Variants in HNRNPDL observed in about 807,000 individuals in gnomAD.
HNRNPDL encodes heterogeneous nuclear ribonucleoprotein D-like.
Under a neutral mutation model 48.0 loss-of-function variants are expected in HNRNPDL, and 18 were observed. The observed-to-expected ratio is 0.38, with a 90% CI of 0.26 to 0.56. HNRNPDL has a LOEUF of 0.56. HNRNPDL is among the 20% of genes least tolerant of loss of function. The probability of loss-of-function intolerance (pLI) is 0.77; values close to 1 mark genes in which losing one functional copy is unlikely to be tolerated. For synonymous variants in HNRNPDL, 306 were observed against 207.3 expected (o/e 1.48, Z -4.09); for missense variants, 553 against 540.7 (o/e 1.02, Z -0.23).
In HNRNPDL at chr4:82,422,850, A is replaced by G. The variant is rs948901558; in HGVS notation, c.*2056T>C. 6 of 152,364 alleles carry G rather than the reference A, an allele frequency of 3.9e-5. No homozygotes were observed. In the South Asian group the frequency reaches 8.3e-4, roughly 21 times the overall value. 9.4% of individuals were successfully genotyped at this position (152,364 alleles called of 1,614,324 possible). The stretch of plus-strand genomic sequence containing the variant: ...CAAATACGATGTAAAAAACATACAC[A>G]GAGTATTTGTTATAGGTACTTTAGA... On this transcript the variant is annotated 3_prime_UTR_variant, in exon 8 of 8. Transcript: ENST00000295470.
chr4:82,427,272 T>C lies in HNRNPDL; in HGVS notation c.939A>G (p.Val313=), dbSNP rs369300440. 3.7e-6 allele frequency: 6 copies of C among 1,613,348 alleles called. No homozygotes were observed. The highest frequency in any genetic ancestry group is 3.3e-4 in the Middle Eastern group (2 of 6,054). ...TTTGTTGTTGCTGTTGCTGCCTATATACCTCTTTGGGTTGTGCAACTTTGA... is the reference window on the plus strand; with the variant it reads ...TTTGTTGTTGCTGTTGCTGCCTATACACCTCTTTGGGTTGTGCAACTTTGA... ...CEIKVAQPKE[V]YRQQQQQQKG... is the part of the protein sequence containing the mutation. Residue 313 remains valine (V), a synonymous_variant, in exon 5 of 8, where the codon GTA becomes GTG. Coordinates refer to ENST00000295470, the MANE Select transcript of HNRNPDL (RefSeq NM_031372.4).
rs938840515 is a variant in HNRNPDL at position 82,427,647 on chromosome 4, CAACTTA to C, written c.775-89_775-84del. The stretch of plus-strand genomic sequence containing the variant: ...GAATGCCAAAGGCCTTTTCAGGCTT[CAACTTA>C]AACATGTTATTCTTATCGGGTGACT... On this transcript the variant is annotated intron_variant, in intron 3 of 7. Transcript: ENST00000295470. 4 of 1,254,446 alleles carry C rather than the reference CAACTTA, an allele frequency of 3.2e-6. No individual in the cohort carries two copies. The African/African-American group carries it at 6.0e-5, about 19-fold the overall frequency. 77.7% of individuals were successfully genotyped at this position (1,254,446 alleles called of 1,614,324 possible). A position where few individuals can be genotyped will look rare whatever the true frequency, so the allele number is the denominator to read the frequency against.
At position 82,427,039 on chromosome 4, in the gene HNRNPDL, C is replaced by A. The variant is rs572577877; in HGVS notation, c.1021+151G>T. 40 of 708,630 alleles carry A rather than the reference C, an allele frequency of 5.6e-5. No individual in the cohort carries two copies. In the Middle Eastern group the frequency reaches 9.9e-4, roughly 18 times the overall value. 43.9% of individuals were successfully genotyped at this position (708,630 alleles called of 1,614,324 possible). On this transcript the variant is annotated intron_variant, in intron 5 of 7. Transcript: ENST00000295470. ...AAACCAGTGAGCTCACAACAAAAAA[C>A]CACCACACACAACCTCCACTAAGCT...
In HNRNPDL at chr4:82,423,856, A is replaced by T. The variant is rs1031093351; in HGVS notation, c.*1050T>A. 6.6e-6 allele frequency: 1 copy of T among 152,202 alleles called. No individual in the cohort carries two copies. The highest frequency in any genetic ancestry group is 2.4e-5 in the African/African-American group (1 of 41,444). The allele number at this position is 152,202 out of a possible 1,614,324, so 9.4% of individuals were successfully genotyped here. ...TACCTTTTCCACTATTCCTTTCTGA[A>T]TATGTAAATATTTAACTACTTAGTT... On this transcript the variant is annotated 3_prime_UTR_variant, in exon 8 of 8. Coordinates refer to ENST00000295470, the MANE Select transcript of HNRNPDL (RefSeq NM_031372.4).
At chr4:82,428,225 G>A (rs1258977648) in intron 2 of HNRNPDL, 46 bp from the exon 3 acceptor site, 6 of 1,607,184 alleles carry the variant, frequency 3.7e-6, no homozygotes, top group South Asian at 3.3e-5. Flanking sequence ...ATAACCCCCA[G>A]AAAAATTTGC....
At chr4:82,427,339 C>T (rs781542699) in intron 4 of HNRNPDL, 35 bp from the exon 5 acceptor site, 15 of 1,532,348 alleles carry the variant, frequency 9.8e-6, no homozygotes, top group African/African-American at 1.4e-5. Flanking sequence ...TAATTTTTAC[C>T]GAAGTTCTAA....
At position 82,429,421 on chromosome 4, in the gene HNRNPDL, A is replaced by G. The variant is rs777344257; in HGVS notation, c.270T>C (p.Phe90=). 3.7e-6 allele frequency: 6 copies of G among 1,612,670 alleles called. No individual in the cohort carries two copies. The Admixed American group carries it at 8.3e-5, about 22-fold the overall frequency. The change falls in exon 1 of 8, where the codon TTT becomes TTC. Residue 90 remains phenylalanine (F), a synonymous_variant. Coordinates refer to ENST00000295470, the MANE Select transcript of HNRNPDL (RefSeq NM_031372.4). ...CGGAGCGTTGTATGGAGCTGGATTT[A>G]AAATGGCGGCGGAAGAGATCCGGGC... The part of the protein sequence containing the change: ...RRRPDLFRRH[F]KSSSIQRSAA...
At position 82,427,477 on chromosome 4, in the gene HNRNPDL, T is replaced by G; in HGVS notation, c.862A>C (p.Lys288Gln). Residue 288 changes from lysine (K) to glutamine (Q), a missense_variant, in exon 4 of 8, where the codon AAA becomes CAA. Physicochemically the swap from Lys to Gln is moderately conservative, Grantham distance 53. Around this residue, in one of 4 missense-constraint regions of HNRNPDL, gnomAD observed 174 missense variants for 204.6 expected, o/e 0.85. Coordinates refer to ENST00000295470, the MANE Select transcript of HNRNPDL (RefSeq NM_031372.4). Reference sequence around the variant, plus strand: ...TGGTATCTGCTTTCTAACAATTTTTTTACTGGCTCTTCATCAGTATATGTG... The same window carrying G: ...TGGTATCTGCTTTCTAACAATTTTTGTACTGGCTCTTCATCAGTATATGTG... ...FITYTDEEPV[K>Q]KLLESRYHQI... 7 of 1,611,124 alleles carry G rather than the reference T, an allele frequency of 4.3e-6. No homozygotes were observed. The highest frequency in any genetic ancestry group is 5.9e-6 in the Non-Finnish European group (7 of 1,179,240).
chr4:82,427,377 T>C, intron 4 of HNRNPDL, 56 bp downstream of exon 4: 1 of 1,531,932 alleles, frequency 6.5e-7, no homozygotes, highest in Non-Finnish European at 8.8e-7. Flanking sequence ...TTTCTCCACA[T>C]CAAGAAATTA....
At chr4:82,425,986 C>G in intron 7 of HNRNPDL, 51 bp downstream of exon 7, 3 of 1,185,594 alleles carry the variant, frequency 2.5e-6, no homozygotes, top group Middle Eastern at 2.8e-4. Context: ...GTCTATTGAT[C>G]TTTAAATTAA....
chr4:82,430,021 C>G lies in HNRNPDL; in HGVS notation c.-331G>C. 1 of 158,882 alleles carries G rather than the reference C, an allele frequency of 6.3e-6. No individual in the cohort carries two copies. The highest frequency in any genetic ancestry group is 1.8e-4 in the East Asian group (1 of 5,592). 9.8% of individuals were successfully genotyped at this position (158,882 alleles called of 1,614,324 possible). Reference sequence around the variant, plus strand: ...CTGCGCCCGGCGCTGGCGACTGAGGCGGCGAGCGCGCTCGCCCGCCGCGCG... The same window carrying G: ...CTGCGCCCGGCGCTGGCGACTGAGGGGGCGAGCGCGCTCGCCCGCCGCGCG... On this transcript the variant is annotated 5_prime_UTR_variant, in exon 1 of 8. Transcript: ENST00000295470.
chr4:82,427,122 A>C, intron 5 of HNRNPDL, 68 bp downstream of exon 5: 1 of 1,017,504 alleles, frequency 9.8e-7, no homozygotes, highest in Non-Finnish European at 1.6e-6. Flanking sequence ...TTGGTACAGG[A>C]CTACTCATAT....
Position 82,422,839 on chromosome 4 carries a change from A to G in HNRNPDL, c.*2067T>C, listed in dbSNP as rs1448722667. 6.6e-6 allele frequency: 1 copy of G among 152,234 alleles called. No individual in the cohort carries two copies. Among genetic ancestry groups the G allele is most frequent in the African/African-American group, 2.4e-5 (1 of 41,456 alleles). 9.4% of individuals were successfully genotyped at this position (152,234 alleles called of 1,614,324 possible). ...AATGTAAAAGGCAAATACGATGTAA[A>G]AAACATACACAGAGTATTTGTTATA... On this transcript the variant is annotated 3_prime_UTR_variant, in exon 8 of 8. Transcript: ENST00000295470.
chr4:82,423,538 A>AG lies in HNRNPDL; in HGVS notation c.*1367dup, dbSNP rs923966576. ...TGCAGGCACCAAATTAAAAAAAAAA[A>AG]GGGAGGGCTCATGAGCATAAGAAAC... On this transcript the variant is annotated 3_prime_UTR_variant, in exon 8 of 8. Transcript: ENST00000295470. The AG allele has an allele frequency of 1.3e-5, 2 of 151,554 alleles. No individual in the cohort carries two copies. The highest frequency in any genetic ancestry group is 2.9e-5 in the Non-Finnish European group (2 of 67,968). 9.4% of individuals were successfully genotyped at this position (151,554 alleles called of 1,614,324 possible). A position where few individuals can be genotyped will look rare whatever the true frequency, so the allele number is the denominator to read the frequency against.
rs1313395146 is a variant in HNRNPDL, at chr4:82,424,296, A to C, written c.*610T>G. On this transcript the variant is annotated 3_prime_UTR_variant, in exon 8 of 8. Transcript: ENST00000295470. Reference sequence around the variant, plus strand: ...AGTAAAAGGAGCTACTAACAATTTTATTACAATCCAGAAGAAATATGGTCT... The same window carrying C: ...AGTAAAAGGAGCTACTAACAATTTTCTTACAATCCAGAAGAAATATGGTCT... 6.6e-6 allele frequency: 1 copy of C among 152,280 alleles called. No homozygotes were observed. Among genetic ancestry groups the C allele is most frequent in the Admixed American group, 6.5e-5 (1 of 15,288 alleles). 9.4% of individuals were successfully genotyped at this position (152,280 alleles called of 1,614,324 possible).
At position 82,426,943 on chromosome 4, in the gene HNRNPDL, T is replaced by C. The variant is rs186090851; in HGVS notation, c.1021+247A>G. Among the ~76,000 whole-genome samples, 835 of 152,310 alleles carry C rather than the reference T, an allele frequency of 5.5e-3. 10 individuals are homozygous for C. The highest frequency in any genetic ancestry group is 5.5e-3 in the Non-Finnish European group (373 of 68,030). ...AAACCTATCACACCACGGTGTATCA[T>C]GTAATGGTACACTTTTCCTATCAGT... On this transcript the variant is annotated intron_variant, in intron 5 of 7. Transcript: ENST00000295470.
rs1721323322 is a variant in HNRNPDL, at chr4:82,424,287, A to G, written c.*619T>C. ...CAGGAACAAAGTAAAAGGAGCTACT[A>G]ACAATTTTATTACAATCCAGAAGAA... On this transcript the variant is annotated 3_prime_UTR_variant, in exon 8 of 8. Coordinates refer to ENST00000295470, the MANE Select transcript of HNRNPDL (RefSeq NM_031372.4). The G allele has an allele frequency of 6.6e-6, 1 of 152,270 alleles. No individual in the cohort carries two copies. The highest frequency in any genetic ancestry group is 2.4e-5 in the African/African-American group (1 of 41,478). 9.4% of individuals were successfully genotyped at this position (152,270 alleles called of 1,614,324 possible). A position where few individuals can be genotyped will look rare whatever the true frequency, so the allele number is the denominator to read the frequency against.
At chr4:82,428,931 G>C (rs1006018580) in intron 1 of HNRNPDL, among the ~76,000 whole-genome samples, 1 of 152,230 alleles carries the variant, frequency 6.6e-6, no homozygotes. Context: ...ACACAATGAA[G>C]AGGCGGCGGC....
intron 6 of HNRNPDL, 141 bp from the exon 7 acceptor site, chr4:82,426,270 A>G: frequency 2.3e-6 from 2 of 870,242 alleles, no homozygotes; most frequent in Non-Finnish European, 3.7e-6. Flanking sequence ...TGCTACTCAT[A>G]AATCATACAT....
Sources: gnomAD v4.1 joint callset for allele counts (sites outside exome capture counted in the v4.1 genomes callset) on GRCh38, gnomAD v4.1.1 for gene constraint, gnomAD v4.1.1 regional missense constraint, MANE v1.5 for transcripts, NCBI Gene and HGNC (gene_info 2026-07-23, HGNC 2026-07-21) for gene names.